GRM1: variants seen among roughly 807,000 people sequenced by gnomAD.
GRM1 encodes metabotropic glutamate receptor 1.
A neutral mutation model predicts 90.9 loss-of-function variants in GRM1; 33 were observed. The ratio of observed to expected loss-of-function variants is 0.36; its 90% CI spans 0.28 to 0.49. GRM1 has a LOEUF of 0.49. Ranked by LOEUF, GRM1 falls within the 20% of genes least tolerant of loss-of-function variation. GRM1 has a pLI of 0.99. For missense variants in GRM1, 1,190 were observed against 1,534.3 expected, an observed-to-expected ratio of 0.78 and a Z score of 3.75; for synonymous variants, 700 against 613.2, an observed-to-expected ratio of 1.14 and a Z score of -2.09.
chr6:146,304,112 G>A (rs1783490672), intron 2 of GRM1, among the ~76,000 whole-genome samples: 1 of 152,148 alleles, frequency 6.6e-6, no homozygotes, highest in South Asian at 2.1e-4. Context: ...GATGTCCCAG[G>A]AGGAAAAACT....
At chr6:146,330,659 C>CA (rs1412885272) in intron 3 of GRM1, among the ~76,000 whole-genome samples, 4 of 152,104 alleles carry the variant, frequency 2.6e-5, no homozygotes, top group African/African-American at 9.7e-5. Context: ...GTGTTATCCC[C>CA]AATCTATTGG....
intron 6 of GRM1, among the ~76,000 whole-genome samples, chr6:146,387,851 A>G (rs1776564299): frequency 6.6e-6 from 1 of 152,106 alleles, no homozygotes. Flanking sequence ...AAAGTGGTGA[A>G]TGACATTATG....
chr6:146,104,217 G>A (rs1314499340), intron 1 of GRM1, among the ~76,000 whole-genome samples: 2 of 152,182 alleles, frequency 1.3e-5, no homozygotes, highest in Admixed American at 6.5e-5. Flanking sequence ...GAGGCGGGCG[G>A]ATCACGAGGT....
At chr6:146,405,532 G>A (rs1457366216) in intron 7 of GRM1, among the ~76,000 whole-genome samples, 2 of 152,184 alleles carry the variant, frequency 1.3e-5, no homozygotes, top group African/African-American at 2.4e-5. Context: ...AGTTCCGGAG[G>A]CTGAAAATCA....
At chr6:146,318,900 C>T (rs942083098) in intron 3 of GRM1, among the ~76,000 whole-genome samples, 2 of 151,972 alleles carry the variant, frequency 1.3e-5, no homozygotes, top group Admixed American at 6.5e-5. Context: ...GGATATTAGC[C>T]CTTTGTCAGA....
rs1778545727 is a variant in GRM1 at position 146,434,845 on chromosome 6, A to G, written c.*49A>G. ...GCAAGACAAGCCAGAGATCTCCCAC[A>G]CCTCCAGAGATGTGCAAACAGCTGG... On this transcript the variant is annotated 3_prime_UTR_variant, in exon 8 of 8. Transcript: ENST00000282753. 1 of 1,445,728 alleles carries G rather than the reference A, an allele frequency of 6.9e-7. No homozygotes were observed. The highest frequency in any genetic ancestry group is 9.6e-7 in the Non-Finnish European group (1 of 1,041,236). 89.6% of individuals were successfully genotyped at this position (1,445,728 alleles called of 1,614,324 possible).
chr6:146,425,791 C>A (rs1778181863), intron 7 of GRM1, among the ~76,000 whole-genome samples: 1 of 151,872 alleles, frequency 6.6e-6, no homozygotes, highest in South Asian at 2.1e-4. Context: ...CCATCACCTT[C>A]TGCAGTGCTA....
intron 1 of GRM1, among the ~76,000 whole-genome samples, chr6:146,139,476 T>G (rs1776752039): frequency 6.6e-6 from 1 of 152,188 alleles, no homozygotes; most frequent in Admixed American, 6.5e-5. Flanking sequence ...AACATTTGCT[T>G]TATATATCTG....
intron 7 of GRM1, among the ~76,000 whole-genome samples, chr6:146,419,765 A>G (rs763546787): frequency 3.2e-4 from 49 of 152,224 alleles, no homozygotes; most frequent in East Asian, 3.9e-4. Context: ...AAACAACCAG[A>G]TCTCCTGAGA....
intron 3 of GRM1, among the ~76,000 whole-genome samples, chr6:146,341,498 G>A (rs1784978991): frequency 6.6e-6 from 1 of 152,150 alleles, no homozygotes; most frequent in South Asian, 2.1e-4. Flanking sequence ...GTTTGTGTTT[G>A]TCTCATATAT....
chr6:146,127,753 T>A (rs972625259), intron 1 of GRM1, among the ~76,000 whole-genome samples: 1 of 152,234 alleles, frequency 6.6e-6, no homozygotes, highest in African/African-American at 2.4e-5. Context: ...TTCAGTTTCC[T>A]TATTTGTAAA....
intron 1 of GRM1, among the ~76,000 whole-genome samples, chr6:146,049,651 ATATCTATCTATCTATCTATCTATCTATC>A (rs143624231): frequency 6.8e-6 from 1 of 147,472 alleles, no homozygotes; most frequent in Non-Finnish European, 1.5e-5. Context: ...ACCTCCTTTC[ATATCTATCTATCTATCTATCTATCTATC>A]TATCTATCTA....
chr6:146,197,686 A>G (rs1328470484), intron 2 of GRM1, among the ~76,000 whole-genome samples: 1 of 152,222 alleles, frequency 6.6e-6, no homozygotes, highest in Non-Finnish European at 1.5e-5. Flanking sequence ...ACAACTGTAA[A>G]TAAATAGTAT....
chr6:146,229,726 T>A (rs1780378284), intron 2 of GRM1, among the ~76,000 whole-genome samples: 1 of 152,158 alleles, frequency 6.6e-6, no homozygotes, highest in Non-Finnish European at 1.5e-5. Context: ...AAGCAAAATG[T>A]TATAGGGATA....
At chr6:146,337,275 A>G (rs1784806927) in intron 3 of GRM1, among the ~76,000 whole-genome samples, 1 of 152,196 alleles carries the variant, frequency 6.6e-6, no homozygotes, top group East Asian at 1.9e-4. Context: ...CTGCCTGGTG[A>G]TAATCCATAT....
chr6:146,300,680 A>T (rs550383850), intron 2 of GRM1, among the ~76,000 whole-genome samples: 183 of 152,354 alleles, frequency 1.2e-3, no homozygotes, highest in African/African-American at 4.2e-3. Flanking sequence ...TGCTAGAGGC[A>T]GTGAATGTGC....
At chr6:146,083,826 A>G (rs1339753432) in intron 1 of GRM1, among the ~76,000 whole-genome samples, 1 of 152,098 alleles carries the variant, frequency 6.6e-6, no homozygotes, top group African/African-American at 2.4e-5. Context: ...TCCACTTTGT[A>G]CCTCTGGTGG....
At chr6:146,037,785 C>A (rs974233258) in intron 1 of GRM1, among the ~76,000 whole-genome samples, 4 of 152,130 alleles carry the variant, frequency 2.6e-5, no homozygotes, top group Non-Finnish European at 1.5e-5. Flanking sequence ...ATCTGGTACC[C>A]TGGCCTTGCC....
At chr6:146,148,124 T>G (rs942944079) in intron 1 of GRM1, among the ~76,000 whole-genome samples, 1 of 152,222 alleles carries the variant, frequency 6.6e-6, no homozygotes, top group Non-Finnish European at 1.5e-5. Context: ...GTGGGCATTA[T>G]GAGCGGTTCA....
Sources: allele counts gnomAD v4.1 joint callset (sites outside exome capture counted in the v4.1 genomes callset), GRCh38; gene constraint gnomAD v4.1.1; transcripts MANE v1.5; gene names NCBI Gene and HGNC (gene_info 2026-07-23, HGNC 2026-07-21).